Variants in ANAPC16 observed in about 807,000 individuals in gnomAD.
The protein encoded by ANAPC16 is anaphase promoting complex subunit 16, also known as anaphase-promoting complex subunit 16.
A neutral mutation model predicts 13.1 loss-of-function variants in ANAPC16; 6 were observed. The ratio of observed to expected loss-of-function variants is 0.46; its 90% CI spans 0.25 to 0.90. ANAPC16 has a LOEUF of 0.90. ANAPC16 is among the 40% of genes least tolerant of loss of function. ANAPC16 has a pLI of 0.18. For synonymous variants in ANAPC16, 55 were observed against 51.3 expected (o/e 1.07, Z -0.31); for missense variants, 113 against 131.1 (o/e 0.86, Z 0.67).
intron 2 of ANAPC16, among the ~76,000 whole-genome samples, chr10:72,230,115 T>A (rs1483344288): frequency 6.6e-6 from 1 of 151,744 alleles, no homozygotes; most frequent in Non-Finnish European, 1.5e-5. Flanking sequence ...CAGACGGAGG[T>A]TTCTTGTTTT....
chr10:72,224,893 A>G (rs1186034334), intron 2 of ANAPC16, among the ~76,000 whole-genome samples: 1 of 152,206 alleles, frequency 6.6e-6, no homozygotes, highest in Non-Finnish European at 1.5e-5. Flanking sequence ...GCATCAAATC[A>G]TTCACCATCT....
At chr10:72,230,032 A>G (rs1860246746) in intron 2 of ANAPC16, among the ~76,000 whole-genome samples, 2 of 152,336 alleles carry the variant, frequency 1.3e-5, no homozygotes, top group Middle Eastern at 3.4e-3. Flanking sequence ...GTCAGCTGCC[A>G]GTGTTTGCTT....
intron 1 of ANAPC16, among the ~76,000 whole-genome samples, chr10:72,221,915 A>G (rs1380253339): frequency 4.0e-5 from 6 of 150,242 alleles, no homozygotes; most frequent in Admixed American, 4.0e-4. Context: ...TTTTTAGTAG[A>G]GATTGGGTTT....
chr10:72,228,273 T>G (rs1460296119), intron 2 of ANAPC16, among the ~76,000 whole-genome samples: 6 of 152,186 alleles, frequency 3.9e-5, no homozygotes, highest in Non-Finnish European at 8.8e-5. Context: ...TACAGCAGTT[T>G]GCAGCATTCT....
chr10:72,225,013 G>A (rs1162954272), intron 2 of ANAPC16, among the ~76,000 whole-genome samples: 3 of 152,158 alleles, frequency 2.0e-5, no homozygotes, highest in East Asian at 1.9e-4. Flanking sequence ...GCCAGGCACT[G>A]TAGCTCATGC....
chr10:72,218,165 A>AATATATATAT (rs61038115), intron 1 of ANAPC16, among the ~76,000 whole-genome samples: 1 of 31,538 alleles, frequency 3.2e-5, no homozygotes, highest in Non-Finnish European at 5.0e-5. Context: ...AAAAAAAAAA[A>AATATATATAT]ATATATATAT....
Position 72,221,379 on chromosome 10 carries a change from T to C in ANAPC16, c.-27-2509T>C, listed in dbSNP as rs541668776. ...TAGCCACATGTGGCTACTTAAATTT[T>C]AATTAATATTAAATAAAATTTAAAA... On this transcript the variant is annotated intron_variant, in intron 1 of 3. Coordinates refer to ENST00000299381, the MANE Select transcript of ANAPC16 (RefSeq NM_173473.4). 2.8e-3 allele frequency among the ~76,000 whole-genome samples: 427 copies of C among 152,118 alleles called. 4 individuals carry two copies. Among genetic ancestry groups the C allele is most frequent in the African/African-American group, 9.8e-3 (406 of 41,528 alleles).
intron 3 of ANAPC16, among the ~76,000 whole-genome samples, chr10:72,231,804 C>G (rs781086259): frequency 6.6e-6 from 1 of 151,990 alleles, no homozygotes; most frequent in Non-Finnish European, 1.5e-5. Flanking sequence ...ATCCGCCTGC[C>G]TTGGCATCCC....
chr10:72,231,961 C>T (rs1000652744), intron 3 of ANAPC16, among the ~76,000 whole-genome samples: 1 of 151,302 alleles, frequency 6.6e-6, no homozygotes, highest in African/African-American at 2.4e-5. Context: ...CTGACACGGG[C>T]GGATCACCTG....
At chr10:72,232,403 G>A (rs1361839659) in intron 3 of ANAPC16, among the ~76,000 whole-genome samples, 1 of 150,932 alleles carries the variant, frequency 6.6e-6, no homozygotes, top group African/African-American at 2.4e-5. Flanking sequence ...ACTTAGCTGG[G>A]CACGATGGCG....
chr10:72,223,126 C>T (rs1010070771), intron 1 of ANAPC16: 2 of 115,564 alleles, frequency 1.7e-5, no homozygotes, highest in Non-Finnish European at 3.3e-5. Flanking sequence ...CCCGCTCTGT[C>T]GCCCAGGCTC....
At position 72,230,232 on chromosome 10, in the gene ANAPC16, A is replaced by C. The variant is rs189074057; in HGVS notation, c.143-134A>C. 151 of 616,966 alleles carry C rather than the reference A, an allele frequency of 2.4e-4. No individual in the cohort carries two copies. In the African/African-American group the frequency reaches 2.6e-3, roughly 11 times the overall value. The allele number at this position is 616,966 out of a possible 1,614,324, so 38.2% of individuals were successfully genotyped here. A position where few individuals can be genotyped will look rare whatever the true frequency, so the allele number is the denominator to read the frequency against. On this transcript the variant is annotated intron_variant, in intron 2 of 3. Coordinates refer to ENST00000299381, the MANE Select transcript of ANAPC16 (RefSeq NM_173473.4). ...ACAGTCTTAGTTCTAAATGAAGCAG[A>C]ACCCGTCTTTGTAAACACTGAGAAC...
Position 72,230,664 on chromosome 10 carries a change from G to A in ANAPC16, c.217+224G>A, listed in dbSNP as rs141658984. Among the ~76,000 whole-genome samples, 121 of 152,278 alleles carry A rather than the reference G, an allele frequency of 7.9e-4. 3 individuals are homozygous for A. The highest frequency in any genetic ancestry group is 5.8e-3 in the East Asian group (30 of 5,174). ...AATCCCAGCACTTTGGGAGGCTGAG[G>A]CGGGTGGATCACTTGAGGTCAGGAG... On this transcript the variant is annotated intron_variant, in intron 3 of 3. Coordinates refer to ENST00000299381, the MANE Select transcript of ANAPC16 (RefSeq NM_173473.4).
Position 72,234,165 on chromosome 10 carries a change from C to G in ANAPC16, c.*1049C>G, listed in dbSNP as rs1860406398. 1 of 152,268 alleles carries G rather than the reference C, an allele frequency of 6.6e-6. No individual in the cohort carries two copies. The allele number at this position is 152,268 out of a possible 1,614,324, so 9.4% of individuals were successfully genotyped here. ...GGGATTACAGGCACCCGCCACCACA[C>G]CCAGCTAATTTTTTGTATATTTAGT... On this transcript the variant is annotated 3_prime_UTR_variant, in exon 4 of 4. Coordinates refer to ENST00000299381, the MANE Select transcript of ANAPC16 (RefSeq NM_173473.4).
chr10:72,217,120 A>T (rs1355015014), intron 1 of ANAPC16: 3 of 450,458 alleles, frequency 6.7e-6, no homozygotes, highest in African/African-American at 2.0e-5. Context: ...TGTGCTCGGC[A>T]TTGAGGGTAG....
Position 72,233,093 on chromosome 10 carries a change from G to T in ANAPC16, c.310G>T (p.Gly104Ter), listed in dbSNP as rs2133699330. The T allele has an allele frequency of 6.2e-7, 1 of 1,614,142 alleles. No individual in the cohort carries two copies. The highest frequency in any genetic ancestry group is 8.5e-7 in the Non-Finnish European group (1 of 1,180,022). The change falls in exon 4 of 4, where the codon GGA (glycine) becomes TGA (stop). Residue 104 changes from glycine (G) to a stop codon, truncating the protein, a stop_gained. Transcript: ENST00000299381. LOFTEE classifies it high-confidence loss of function. ...GTTTAAGCCCATCGAGCAGCTGCTGGGATTCACCCCCTCTTCAGGTTGATA... is the reference window on the plus strand; with the variant it reads ...GTTTAAGCCCATCGAGCAGCTGCTGTGATTCACCCCCTCTTCAGGTTGATA... The part of the protein sequence containing the change: ...WRFKPIEQLL[G>*]FTPSSG
At chr10:72,226,280 A>G (rs1441668876) in intron 2 of ANAPC16, among the ~76,000 whole-genome samples, 1 of 151,922 alleles carries the variant, frequency 6.6e-6, no homozygotes, top group Non-Finnish European at 1.5e-5. Flanking sequence ...CAGCCTCCCA[A>G]AGTGCTATGA....
At position 72,234,675 on chromosome 10, in the gene ANAPC16, C is replaced by G. The variant is rs1438717134; in HGVS notation, c.*1559C>G. ...TCCCAGTAGCATTTAGCCTTAATCT[C>G]AAGAGTTCAAAATGTTTAACACATT... On this transcript the variant is annotated 3_prime_UTR_variant, in exon 4 of 4. Coordinates refer to ENST00000299381, the MANE Select transcript of ANAPC16 (RefSeq NM_173473.4). 1 of 152,192 alleles carries G rather than the reference C, an allele frequency of 6.6e-6. No individual in the cohort carries two copies. Among genetic ancestry groups the G allele is most frequent in the Non-Finnish European group, 1.5e-5 (1 of 68,030 alleles). The allele number at this position is 152,192 out of a possible 1,614,324, so 9.4% of individuals were successfully genotyped here.
At chr10:72,231,114 CTG>C (rs1326613838) in intron 3 of ANAPC16, among the ~76,000 whole-genome samples, 1 of 152,192 alleles carries the variant, frequency 6.6e-6, no homozygotes, top group African/African-American at 2.4e-5. Flanking sequence ...CATCAACAAA[CTG>C]TGTTCCCCCT....
Sources: gnomAD v4.1 joint callset for allele counts (sites outside exome capture counted in the v4.1 genomes callset) on GRCh38, gnomAD v4.1.1 for gene constraint, MANE v1.5 for transcripts, NCBI Gene and HGNC (gene_info 2026-07-23, HGNC 2026-07-21) for gene names.